ATF7IP2: variants seen among roughly 807,000 people sequenced by gnomAD.
The protein encoded by ATF7IP2 is activating transcription factor 7-interacting protein 2.
A neutral mutation model predicts 64.2 loss-of-function variants in ATF7IP2; 42 were observed. The ratio of observed to expected loss-of-function variants is 0.65; its 90% CI spans 0.51 to 0.85. The LOEUF (loss-of-function observed/expected upper bound fraction) is 0.85, where lower values mean the gene tolerates loss of function less well. Among genes scored for constraint, ATF7IP2 ranks in the 40% least tolerant of loss-of-function variants. ATF7IP2 has a pLI of 0.00. For synonymous variants in ATF7IP2, 308 were observed against 272.8 expected, an observed-to-expected ratio of 1.13 and a Z score of -1.27; for missense variants, 933 against 784.2, an observed-to-expected ratio of 1.19 and a Z score of -2.27.
chr16:10,419,504 C>G (rs1003229591), intron 2 of ATF7IP2, 77 bp from the exon 3 acceptor site: 1 of 153,226 alleles, frequency 6.5e-6, no homozygotes, highest in African/African-American at 2.4e-5. Context: ...TAAAGGAATA[C>G]TCATGGCAAT....
intron 9 of ATF7IP2, among the ~76,000 whole-genome samples, chr16:10,468,009 A>C (rs1000850779): frequency 1.3e-5 from 2 of 150,420 alleles, no homozygotes; most frequent in African/African-American, 4.9e-5. Context: ...CCTCCCGAGT[A>C]GCTGGGATTA....
At chr16:10,414,426 G>T (rs955308155) in intron 1 of ATF7IP2, 148 bp from the exon 2 acceptor site, 8 of 151,762 alleles carry the variant, frequency 5.3e-5, no homozygotes, top group Non-Finnish European at 7.4e-5. Flanking sequence ...CTGAAGTTTT[G>T]ATTGTTTTTT....
In ATF7IP2 at chr16:10,431,466, A is replaced by G. The variant is rs1346089906; in HGVS notation, c.835+11A>G. ...ACACTAATAACAACAGTAAGTATAT[A>G]CTTATGCACCTTTTAGAAAAATTAA... On this transcript the variant is annotated intron_variant, in intron 5 of 13. Transcript: ENST00000562102. 2 of 1,504,840 alleles carry G rather than the reference A, an allele frequency of 1.3e-6. No individual in the cohort carries two copies. Among genetic ancestry groups the G allele is most frequent in the Non-Finnish European group, 1.8e-6 (2 of 1,113,092 alleles). The allele number at this position is 1,504,840 out of a possible 1,614,324, so 93.2% of individuals were successfully genotyped here.
chr16:10,471,960 A>C (rs970499635), intron 9 of ATF7IP2, 150 bp from the exon 10 acceptor site: 11 of 439,874 alleles, frequency 2.5e-5, no homozygotes, highest in Non-Finnish European at 4.0e-5. Context: ...TTTTTTGGGT[A>C]TTTGGTTTTA....
chr16:10,459,685 GAAA>G, intron 9 of ATF7IP2, among the ~76,000 whole-genome samples: 2 of 152,114 alleles, frequency 1.3e-5, no homozygotes, highest in African/African-American at 4.8e-5. Flanking sequence ...TTTGCCTGGA[GAAA>G]AACCATTATC....
intron 3 of ATF7IP2, among the ~76,000 whole-genome samples, chr16:10,423,048 T>A (rs2048017883): frequency 6.6e-6 from 1 of 152,122 alleles, no homozygotes; most frequent in African/African-American, 2.4e-5. Flanking sequence ...ATCAAGACCA[T>A]CCTGGCTAAC....
chr16:10,451,773 T>A (rs1314753479), intron 8 of ATF7IP2, among the ~76,000 whole-genome samples: 1 of 152,066 alleles, frequency 6.6e-6, no homozygotes, highest in Non-Finnish European at 1.5e-5. Context: ...AAGATGCTCC[T>A]TTAGGCTGGG....
At chr16:10,405,270 T>G (rs889068820) in intron 1 of ATF7IP2, among the ~76,000 whole-genome samples, 1 of 151,832 alleles carries the variant, frequency 6.6e-6, no homozygotes. Context: ...CTCAGGAGAC[T>G]GAGGCAGGAG....
intron 3 of ATF7IP2, among the ~76,000 whole-genome samples, chr16:10,427,073 C>T (rs563116760): frequency 2.9e-4 from 44 of 152,220 alleles, no homozygotes; most frequent in Non-Finnish European, 3.7e-4. Flanking sequence ...AGGGTGGTCT[C>T]GAACTCCTGG....
intron 9 of ATF7IP2, among the ~76,000 whole-genome samples, chr16:10,471,664 T>C (rs1324545878): frequency 6.6e-6 from 1 of 151,982 alleles, no homozygotes; most frequent in Non-Finnish European, 1.5e-5. Flanking sequence ...AAATGAAGAG[T>C]AGTAGCAGTT....
chr16:10,435,513 G>A (rs2048391964), intron 6 of ATF7IP2, among the ~76,000 whole-genome samples: 1 of 152,182 alleles, frequency 6.6e-6, no homozygotes, highest in Non-Finnish European at 1.5e-5. Flanking sequence ...CATTTATGAG[G>A]TATTTGATGG....
At chr16:10,466,364 A>G (rs2049571379) in intron 9 of ATF7IP2, among the ~76,000 whole-genome samples, 1 of 152,226 alleles carries the variant, frequency 6.6e-6, no homozygotes, top group Non-Finnish European at 1.5e-5. Context: ...GTGAATGTAC[A>G]TATATACACT....
chr16:10,411,693 A>G (rs938930791), intron 1 of ATF7IP2, among the ~76,000 whole-genome samples: 3 of 152,086 alleles, frequency 2.0e-5, no homozygotes, highest in Non-Finnish European at 4.4e-5. Context: ...TTTAATTGCC[A>G]TGTCAATCTC....
At chr16:10,423,266 T>A (rs980264695) in intron 3 of ATF7IP2, among the ~76,000 whole-genome samples, 11 of 152,090 alleles carry the variant, frequency 7.2e-5, no homozygotes, top group South Asian at 4.2e-4. Context: ...ATAAATAAAT[T>A]TATTTAAACT....
intron 1 of ATF7IP2, among the ~76,000 whole-genome samples, chr16:10,411,396 G>C (rs1270501901): frequency 7.7e-6 from 1 of 130,648 alleles, no homozygotes; most frequent in East Asian, 2.3e-4. Context: ...TTGTTGTTTT[G>C]TTTTGTTTTG....
At chr16:10,418,235 G>A (rs2047917719) in intron 2 of ATF7IP2, among the ~76,000 whole-genome samples, 1 of 152,212 alleles carries the variant, frequency 6.6e-6, no homozygotes, top group African/African-American at 2.4e-5. Context: ...TGTGGTTCAG[G>A]AACGCCTTAA....
Position 10,440,469 on chromosome 16 carries a change from A to G in ATF7IP2, c.1194+7A>G. 1 of 1,403,626 alleles carries G rather than the reference A, an allele frequency of 7.1e-7. No individual in the cohort carries two copies. Among genetic ancestry groups the G allele is most frequent in the Non-Finnish European group, 9.7e-7 (1 of 1,026,426 alleles). 86.9% of individuals were successfully genotyped at this position (1,403,626 alleles called of 1,614,324 possible). A position where few individuals can be genotyped will look rare whatever the true frequency, so the allele number is the denominator to read the frequency against. On this transcript the variant is annotated splice_region_variant and intron_variant, in intron 8 of 13. Coordinates refer to ENST00000562102, the MANE Select transcript of ATF7IP2 (RefSeq NM_001393719.1). ...CAGTAATGGAGCCTCTAAGGTTTGT[A>G]TAAACACACAGGAATTGTAATCATC...
At chr16:10,423,536 G>T (rs1047580930) in intron 3 of ATF7IP2, among the ~76,000 whole-genome samples, 2 of 152,146 alleles carry the variant, frequency 1.3e-5, no homozygotes, top group Admixed American at 6.5e-5. Context: ...AGAACTGAGA[G>T]CGGTCGCTCA....
chr16:10,433,127 T>G (rs945054096), intron 5 of ATF7IP2, among the ~76,000 whole-genome samples: 9 of 152,156 alleles, frequency 5.9e-5, no homozygotes, highest in African/African-American at 1.9e-4. Flanking sequence ...GTGTCACATT[T>G]TAGTTTTTCC....
Sources: gnomAD v4.1 joint callset for allele counts (sites outside exome capture counted in the v4.1 genomes callset) on GRCh38, gnomAD v4.1.1 for gene constraint, MANE v1.5 for transcripts, NCBI Gene and HGNC (gene_info 2026-07-23, HGNC 2026-07-21) for gene names.